Variants in TMEM132C observed in about 807,000 individuals in gnomAD.
The protein encoded by TMEM132C is transmembrane protein 132C.
Under a neutral mutation model 61.4 loss-of-function variants are expected in TMEM132C, and 29 were observed. The observed-to-expected ratio is 0.47, with a 90% CI of 0.35 to 0.64. The LOEUF is 0.64. Ranked by LOEUF, TMEM132C falls within the 30% of genes least tolerant of loss-of-function variation. The probability of loss-of-function intolerance (pLI) is 0.00; values close to 1 mark genes in which losing one functional copy is unlikely to be tolerated. For missense variants in TMEM132C, 1,408 were observed against 1,476.9 expected (o/e 0.95, Z 0.76); for synonymous variants, 656 against 633.1 (o/e 1.04, Z -0.54).
At chr12:128,280,234 C>T (rs1423684095) in intron 1 of TMEM132C, among the ~76,000 whole-genome samples, 2 of 152,162 alleles carry the variant, frequency 1.3e-5, no homozygotes, top group South Asian at 2.1e-4. Flanking sequence ...GAAGTGCCCC[C>T]GTCAATTTGA....
At chr12:128,677,619 GAC>G (rs1338673046) in intron 5 of TMEM132C, among the ~76,000 whole-genome samples, 2 of 152,094 alleles carry the variant, frequency 1.3e-5, no homozygotes, top group Admixed American at 1.3e-4. Context: ...TAATGACACT[GAC>G]ACACAATACC....
chr12:128,326,409 G>A lies in TMEM132C; in HGVS notation c.85+58922G>A, dbSNP rs2135940327. On this transcript the variant is annotated intron_variant, in intron 1 of 8. Transcript: ENST00000435159. This position sits in a 1 kb window ranked among gnomAD's most constrained non-coding sequence, Gnocchi z 5.6. ...GAAAATTATAAAGATGAATACTTCT[G>A]AGCCTTTGGCTGACGCTTATCCCCC... is the stretch of plus-strand genomic sequence containing the variant. Among the ~76,000 whole-genome samples the A allele has an allele frequency of 6.6e-6, 1 of 151,998 alleles. No individual in the cohort carries two copies. Among genetic ancestry groups the A allele is most frequent in the East Asian group, 1.9e-4 (1 of 5,174 alleles).
chr12:128,330,858 A>G (rs937671744), intron 1 of TMEM132C, among the ~76,000 whole-genome samples: 8 of 152,144 alleles, frequency 5.3e-5, no homozygotes, highest in Non-Finnish European at 8.8e-5. Context: ...ATGACTGTTA[A>G]CATTTCCCTG....
At chr12:128,325,487 A>C (rs1226777813) in intron 1 of TMEM132C, among the ~76,000 whole-genome samples, 2 of 152,176 alleles carry the variant, frequency 1.3e-5, no homozygotes, top group Admixed American at 1.3e-4. Flanking sequence ...AATGTATCTA[A>C]ATATCTGTAT....
chr12:128,535,139 C>T (rs1047421200), intron 2 of TMEM132C, among the ~76,000 whole-genome samples: 1 of 152,134 alleles, frequency 6.6e-6, no homozygotes, highest in Non-Finnish European at 1.5e-5. Flanking sequence ...ACGTCCTGGC[C>T]TCCTGGTGTT....
intron 2 of TMEM132C, among the ~76,000 whole-genome samples, chr12:128,523,564 A>T (rs1004736643): frequency 2.6e-5 from 4 of 152,144 alleles, no homozygotes; most frequent in African/African-American, 9.7e-5. Context: ...CTTTCTCTCC[A>T]TTTCTCACGA....
At chr12:128,560,903 C>A (rs1245528908) in intron 3 of TMEM132C, among the ~76,000 whole-genome samples, 1 of 152,158 alleles carries the variant, frequency 6.6e-6, no homozygotes, top group Non-Finnish European at 1.5e-5. Context: ...TGATGCTTGT[C>A]ATGATATATT....
At chr12:128,381,821 C>T (rs947990274) in intron 1 of TMEM132C, among the ~76,000 whole-genome samples, 6 of 152,300 alleles carry the variant, frequency 3.9e-5, no homozygotes, top group East Asian at 1.9e-4. Flanking sequence ...AAGCACTTCT[C>T]GGAAGCTTCC....
intron 1 of TMEM132C, among the ~76,000 whole-genome samples, chr12:128,375,910 A>G (rs1874177208): frequency 6.6e-6 from 1 of 152,190 alleles, no homozygotes; most frequent in South Asian, 2.1e-4. Flanking sequence ...GAGTGTCAGT[A>G]GCAGGGCAGA....
At chr12:128,271,151 G>T (rs1478332013) in intron 1 of TMEM132C, among the ~76,000 whole-genome samples, 2 of 151,928 alleles carry the variant, frequency 1.3e-5, no homozygotes, top group East Asian at 3.9e-4. Context: ...CTACTCGGGA[G>T]ACTGAGGCAT....
chr12:128,313,926 T>G (rs779532534), intron 1 of TMEM132C, among the ~76,000 whole-genome samples: 7 of 152,190 alleles, frequency 4.6e-5, no homozygotes, highest in Admixed American at 3.9e-4. Context: ...AGTCTTTGAG[T>G]TCCCTCAAAA....
intron 1 of TMEM132C, among the ~76,000 whole-genome samples, chr12:128,273,288 T>G (rs12298971): frequency 0.073 from 11,110 of 152,238 alleles, 1,199 homozygotes; most frequent in African/African-American, 0.23. Context: ...TCCACCTTTA[T>G]GTAATGCCTT....
At chr12:128,421,019 T>C (rs1294197512) in intron 2 of TMEM132C, among the ~76,000 whole-genome samples, 1 of 152,158 alleles carries the variant, frequency 6.6e-6, no homozygotes, top group Non-Finnish European at 1.5e-5. Flanking sequence ...TTGCAGTAGC[T>C]TTAGAGGTAC....
At chr12:128,380,800 G>A (rs1344794495) in intron 1 of TMEM132C, among the ~76,000 whole-genome samples, 1 of 152,118 alleles carries the variant, frequency 6.6e-6, no homozygotes, top group Admixed American at 6.5e-5. Flanking sequence ...ACAAGCCTCT[G>A]GTCATAACAT....
At chr12:128,674,365 T>G (rs1245597780) in intron 5 of TMEM132C, among the ~76,000 whole-genome samples, 1 of 152,268 alleles carries the variant, frequency 6.6e-6, no homozygotes, top group East Asian at 1.9e-4. Context: ...TCAGTTGGGT[T>G]GTTTCCACTT....
At chr12:128,289,025 ACT>A (rs1425858591) in intron 1 of TMEM132C, 23 of 152,318 alleles carry the variant, frequency 1.5e-4, no homozygotes, top group African/African-American at 5.3e-4. Flanking sequence ...ACACATGCAC[ACT>A]CACATTCACA....
Position 128,382,958 on chromosome 12 carries a change from ATGTG to A in TMEM132C, c.86-31766_86-31763del, listed in dbSNP as rs536632616. Among the ~76,000 whole-genome samples the A allele has an allele frequency of 2.7e-5, 4 of 150,660 alleles. No homozygotes were observed. In the South Asian group the frequency reaches 8.5e-4, roughly 32 times the overall value. On this transcript the variant is annotated intron_variant, in intron 1 of 8. Transcript: ENST00000435159. Reference sequence around the variant, plus strand: ...TGTGTATGTGGGTGTGTGTGTATGTATGTGTGTGTGTACAGGTCTGTCTCTGTGT... The same window carrying A: ...TGTGTATGTGGGTGTGTGTGTATGTATGTGTGTACAGGTCTGTCTCTGTGT...
chr12:128,270,204 T>C lies in TMEM132C; in HGVS notation c.85+2717T>C, dbSNP rs145910376. The stretch of plus-strand genomic sequence containing the variant: ...CATATGAGACCTTCTGGGAAGGTTA[T>C]GTGGGACCACATTCTCTTTTCTGAA... On this transcript the variant is annotated intron_variant, in intron 1 of 8. Transcript: ENST00000435159. Among the ~76,000 whole-genome samples the C allele has an allele frequency of 8.5e-3, 1,301 of 152,352 alleles. 11 individuals are homozygous for C. The highest frequency in any genetic ancestry group is 0.013 in the Non-Finnish European group (882 of 68,036).
chr12:128,491,849 G>A lies in TMEM132C; in HGVS notation c.975-52108G>A, dbSNP rs542131459. On this transcript the variant is annotated intron_variant, in intron 2 of 8. Coordinates refer to ENST00000435159, the MANE Select transcript of TMEM132C (RefSeq NM_001136103.3). ...GCCAGTGACCTTTTTGGCTGTATCA[G>A]TTCTTTTTTTTTTTTTTATACTTTA... Among the ~76,000 whole-genome samples, 62 of 130,476 alleles carry A rather than the reference G, an allele frequency of 4.8e-4. No homozygotes were observed. The East Asian group carries it at 0.015, about 33-fold the overall frequency. 85.6% of individuals were successfully genotyped at this position (130,476 alleles called of 152,430 possible).
Sources: gnomAD v4.1 joint callset for allele counts (sites outside exome capture counted in the v4.1 genomes callset) on GRCh38, gnomAD v4.1.1 for gene constraint, Gnocchi (gnomAD v3.1) non-coding constraint, MANE v1.5 for transcripts, NCBI Gene and HGNC (gene_info 2026-07-23, HGNC 2026-07-21) for gene names.